Variants in CAB39L observed in about 807,000 individuals in gnomAD.
CAB39L encodes calcium-binding protein 39-like.
In CAB39L, 23 loss-of-function variants were observed where a neutral mutation model predicts 39.1. That is an observed-to-expected ratio of 0.59 (90% CI 0.42 to 0.83). The LOEUF is 0.83. Among genes scored for constraint, CAB39L ranks in the 40% least tolerant of loss-of-function variants. The pLI is 0.00. For synonymous variants in CAB39L, 126 were observed against 137.2 expected (o/e 0.92, Z 0.57); for missense variants, 366 against 391.9 (o/e 0.93, Z 0.56).
chr13:49,351,144 A>T, intron 6 of CAB39L: 1 of 280,174 alleles, frequency 3.6e-6, no homozygotes, highest in Non-Finnish European at 6.6e-6. Context: ...GAACATGGTG[A>T]CAGCTGGGGG....
At chr13:49,330,427 C>T (rs1035550265) in intron 10 of CAB39L, among the ~76,000 whole-genome samples, 3 of 152,170 alleles carry the variant, frequency 2.0e-5, no homozygotes, top group Non-Finnish European at 4.4e-5. Context: ...GATTTTGAGA[C>T]CAGCCTGGGC....
chr13:49,374,599 A>G (rs1956007803), intron 5 of CAB39L, among the ~76,000 whole-genome samples: 1 of 152,234 alleles, frequency 6.6e-6, no homozygotes, highest in Non-Finnish European at 1.5e-5. Context: ...GGGAACTTGC[A>G]TAACTGTTTC....
chr13:49,319,132 T>G (rs1210434106), intron 10 of CAB39L, among the ~76,000 whole-genome samples: 1 of 152,076 alleles, frequency 6.6e-6, no homozygotes, highest in African/African-American at 2.4e-5. Context: ...TAATCCCAGC[T>G]ACTCGGGAGG....
At chr13:49,385,790 C>T (rs1956344662) in intron 3 of CAB39L, among the ~76,000 whole-genome samples, 1 of 152,152 alleles carries the variant, frequency 6.6e-6, no homozygotes, top group Non-Finnish European at 1.5e-5. Flanking sequence ...CGATTATGGG[C>T]ACAGTCTGTG....
At chr13:49,354,986 T>C (rs1320589645) in intron 6 of CAB39L, among the ~76,000 whole-genome samples, 1 of 152,214 alleles carries the variant, frequency 6.6e-6, no homozygotes, top group African/African-American at 2.4e-5. Context: ...AGGAAATACC[T>C]GGAAAGCTTT....
intron 8 of CAB39L, among the ~76,000 whole-genome samples, chr13:49,341,992 G>A (rs1207419645): frequency 2.0e-5 from 3 of 151,918 alleles, no homozygotes; most frequent in Admixed American, 6.6e-5. Flanking sequence ...TAATTATATT[G>A]CTAATTCCTA....
chr13:49,434,269 A>G (rs1384142618), intron 1 of CAB39L, 46 bp from the exon 2 acceptor site: 3 of 420,994 alleles, frequency 7.1e-6, no homozygotes, highest in East Asian at 7.1e-5. Flanking sequence ...AGTCACATCA[A>G]TCTGGTTTTA....
intron 6 of CAB39L, chr13:49,351,262 T>TTGTGTGTG (rs3035410): frequency 0.041 from 6,095 of 149,256 alleles, 124 homozygotes; most frequent in East Asian, 0.076. Flanking sequence ...GGTGACTAAA[T>TTGTGTGTG]TGTGTGTGTG....
At chr13:49,344,587 T>C (rs1855316998) in intron 7 of CAB39L, among the ~76,000 whole-genome samples, 1 of 150,504 alleles carries the variant, frequency 6.6e-6, no homozygotes, top group Non-Finnish European at 1.5e-5. Flanking sequence ...AGTGGCATGA[T>C]CTCAGCTCAC....
intron 1 of CAB39L, among the ~76,000 whole-genome samples, chr13:49,437,442 A>C (rs1566142308): frequency 6.6e-6 from 1 of 152,108 alleles, no homozygotes; most frequent in Non-Finnish European, 1.5e-5. Context: ...CAGTACTTTC[A>C]TGAGACTGCG....
chr13:49,377,815 C>T (rs961470787), intron 4 of CAB39L, among the ~76,000 whole-genome samples: 2 of 95,450 alleles, frequency 2.1e-5, no homozygotes, highest in Non-Finnish European at 4.3e-5. Flanking sequence ...GGCCGCCACC[C>T]CGTCTGGGAT....
At chr13:49,433,508 A>T in intron 2 of CAB39L, 115 bp from the exon 3 acceptor site, 2 of 372,928 alleles carry the variant, frequency 5.4e-6, no homozygotes, top group South Asian at 4.2e-5. Flanking sequence ...ATCATAATCA[A>T]ATACTAATAC....
Position 49,443,985 on chromosome 13 carries a change from C to A in CAB39L, c.-246+1G>T, listed in dbSNP as rs1183302847. Reference sequence around the variant, plus strand: ...ACACAAGATGGCAGCCTCACACCTACCGGAGGAAACAGCTGCGCCACCACT... The same window carrying A: ...ACACAAGATGGCAGCCTCACACCTAACGGAGGAAACAGCTGCGCCACCACT... On this transcript the variant is annotated splice_donor_variant, in intron 1 of 10. Coordinates refer to ENST00000409308, the MANE Select transcript of CAB39L (RefSeq NM_001079670.3). LOFTEE classifies it low-confidence loss of function (5UTR_SPLICE). The A allele has an allele frequency of 2.2e-6, 1 of 456,690 alleles. No homozygotes were observed. Among genetic ancestry groups the A allele is most frequent in the African/African-American group, 2.0e-5 (1 of 50,094 alleles). The allele number at this position is 456,690 out of a possible 1,614,324, so 28.3% of individuals were successfully genotyped here.
At chr13:49,418,130 C>T (rs1957115219) in intron 3 of CAB39L, among the ~76,000 whole-genome samples, 1 of 151,726 alleles carries the variant, frequency 6.6e-6, no homozygotes, top group East Asian at 1.9e-4. Flanking sequence ...CCATAATACC[C>T]CAAAAGTAGA....
At chr13:49,387,904 T>A (rs1041477841) in intron 3 of CAB39L, among the ~76,000 whole-genome samples, 3 of 152,140 alleles carry the variant, frequency 2.0e-5, no homozygotes, top group Admixed American at 1.3e-4. Flanking sequence ...CTGGGGCAAC[T>A]TCAAGGTACA....
At chr13:49,371,189 C>CCTTTTTTTT (rs1555258807) in intron 5 of CAB39L, among the ~76,000 whole-genome samples, 1 of 102,242 alleles carries the variant, frequency 9.8e-6, no homozygotes, top group Non-Finnish European at 2.0e-5. Flanking sequence ...CTTTTTCTTT[C>CCTTTTTTTT]TTTTTTTTTT....
chr13:49,396,114 A>C (rs1198301871), intron 3 of CAB39L, among the ~76,000 whole-genome samples: 1 of 151,964 alleles, frequency 6.6e-6, no homozygotes, highest in East Asian at 1.9e-4. Flanking sequence ...AAAAACTTAA[A>C]AAAATAACAT....
At chr13:49,312,276 A>T (rs955618583) in intron 10 of CAB39L, among the ~76,000 whole-genome samples, 2 of 152,206 alleles carry the variant, frequency 1.3e-5, no homozygotes, top group Non-Finnish European at 2.9e-5. Flanking sequence ...TATGAAGTCT[A>T]CAGTAGTGTA....
At chr13:49,442,054 C>T (rs1197360212) in intron 1 of CAB39L, among the ~76,000 whole-genome samples, 1 of 152,172 alleles carries the variant, frequency 6.6e-6, no homozygotes, top group Non-Finnish European at 1.5e-5. Flanking sequence ...TTTTGACATT[C>T]TGAGTAAGAG....
Sources: gnomAD v4.1 joint callset for allele counts (sites outside exome capture counted in the v4.1 genomes callset) on GRCh38, gnomAD v4.1.1 for gene constraint, MANE v1.5 for transcripts, NCBI Gene and HGNC (gene_info 2026-07-23, HGNC 2026-07-21) for gene names.